Variants in LRRFIP1 observed in about 807,000 individuals in gnomAD.
LRRFIP1 encodes the protein LRR binding FLII interacting protein 1.
Under a neutral mutation model 104.4 loss-of-function variants are expected in LRRFIP1, and 62 were observed. That is an observed-to-expected ratio of 0.59 (90% CI 0.48 to 0.73). The LOEUF is 0.73. Among genes scored for constraint, LRRFIP1 ranks in the 30% least tolerant of loss-of-function variants. The pLI, the probability that LRRFIP1 is intolerant of heterozygous loss-of-function variation, is 0.00. For synonymous variants in LRRFIP1, 300 were observed against 299.0 expected (o/e 1.00, Z -0.03); for missense variants, 796 against 824.5 (o/e 0.97, Z 0.42).
At chr2:237,650,523 A>T (rs2085758022) in intron 1 of LRRFIP1, among the ~76,000 whole-genome samples, 3 of 148,650 alleles carry the variant, frequency 2.0e-5, no homozygotes, top group Non-Finnish European at 4.6e-5. Flanking sequence ...CAGGTTACGC[A>T]CTGCAGAAGC....
chr2:237,775,958 G>T (rs13423340), intron 23 of LRRFIP1, among the ~76,000 whole-genome samples: 35,372 of 151,244 alleles, frequency 0.23, 4,620 homozygotes, highest in East Asian at 0.41. Flanking sequence ...TATTTTATTT[G>T]ATTTTATTTT....
rs529994403 is a variant in LRRFIP1, at chr2:237,760,114, C to G, written c.1368C>G (p.Ser456=). 9 of 1,613,766 alleles carry G rather than the reference C, an allele frequency of 5.6e-6. No homozygotes were observed. ...NSEIATNGET[S]DTLNNVGYQG... is the part of the protein sequence containing the mutation. The stretch of plus-strand genomic sequence containing the variant: ...AAATAGCTACCAATGGAGAGACTTC[C>G]GACACCCTCAATAATGTTGGATACC... The change falls in exon 19 of 24, where the codon TCC becomes TCG. Residue 456 remains serine (S), a synonymous_variant. Coordinates refer to ENST00000308482, the MANE Select transcript of LRRFIP1 (RefSeq NM_001137550.2).
rs2094378103 is a variant in LRRFIP1 at position 237,717,391 on chromosome 2, TC to T, written c.202-369del. ...CTGCTTCTCTTCGATGGTGTTTTAT[TC>T]CTTCATCGCGTTTGCTTTGAAGGCA... On this transcript the variant is annotated intron_variant, in intron 3 of 23. Coordinates refer to ENST00000308482, the MANE Select transcript of LRRFIP1 (RefSeq NM_001137550.2). The surrounding 1 kb of genome is among the most constrained non-coding windows in gnomAD (Gnocchi z 4.2). Among the ~76,000 whole-genome samples, 1 of 152,242 alleles carries T rather than the reference TC, an allele frequency of 6.6e-6. No homozygotes were observed. The highest frequency in any genetic ancestry group is 1.5e-5 in the Non-Finnish European group (1 of 68,032).
chr2:237,762,714 G>C, intron 19 of LRRFIP1: 1 of 1,614,232 alleles, frequency 6.2e-7, no homozygotes, highest in South Asian at 1.1e-5. Context: ...GTGAAGGACT[G>C]TGTGGACATA....
intron 15 of LRRFIP1, among the ~76,000 whole-genome samples, chr2:237,755,863 G>T (rs1214892159): frequency 6.6e-6 from 1 of 152,220 alleles, no homozygotes; most frequent in Non-Finnish European, 1.5e-5. Context: ...GAACCCAGGA[G>T]GCAGAGGTTG....
At chr2:237,715,591 C>G (rs547649248) in intron 3 of LRRFIP1, among the ~76,000 whole-genome samples, 8 of 152,362 alleles carry the variant, frequency 5.3e-5, no homozygotes, top group African/African-American at 1.9e-4. Flanking sequence ...AGTGGAGGAG[C>G]AGAGGCACAG....
intron 7 of LRRFIP1, among the ~76,000 whole-genome samples, chr2:237,726,414 G>A (rs543176586): frequency 2.6e-5 from 4 of 152,044 alleles, no homozygotes; most frequent in African/African-American, 4.8e-5. Flanking sequence ...CCCGTCCCCC[G>A]GATAAGGAAC....
At chr2:237,776,127 A>G (rs1363551350) in intron 23 of LRRFIP1, among the ~76,000 whole-genome samples, 2 of 151,790 alleles carry the variant, frequency 1.3e-5, no homozygotes, top group Non-Finnish European at 2.9e-5. Context: ...TGCCTGGCTA[A>G]TTTTTGTGTT....
intron 14 of LRRFIP1, among the ~76,000 whole-genome samples, chr2:237,751,692 C>T (rs189132590): frequency 5.4e-4 from 82 of 152,326 alleles, no homozygotes; most frequent in African/African-American, 1.9e-3. Context: ...CTAATAAGGC[C>T]GTCCTCACAT....
chr2:237,707,678 T>A (rs1288581069), intron 1 of LRRFIP1, among the ~76,000 whole-genome samples: 2 of 152,200 alleles, frequency 1.3e-5, no homozygotes, highest in Non-Finnish European at 2.9e-5. Context: ...TGAATACGCA[T>A]GCAGTTTTTA....
At chr2:237,762,550 T>C in intron 19 of LRRFIP1, 1 of 1,406,208 alleles carries the variant, frequency 7.1e-7, no homozygotes, top group Admixed American at 2.0e-5. Context: ...CTAATGTAGA[T>C]TATGTGGCCG....
At chr2:237,680,717 C>T (rs936078767) in intron 1 of LRRFIP1, among the ~76,000 whole-genome samples, 5 of 152,238 alleles carry the variant, frequency 3.3e-5, no homozygotes, top group Non-Finnish European at 7.3e-5. Context: ...CGTGGTGACA[C>T]ATGCCTGTAA....
chr2:237,748,851 G>A (rs528641832), intron 12 of LRRFIP1, among the ~76,000 whole-genome samples: 1 of 152,284 alleles, frequency 6.6e-6, no homozygotes, highest in East Asian at 1.9e-4. Context: ...CCTGAGACTG[G>A]GTAATTTACA....
chr2:237,709,257 G>A lies in LRRFIP1; in HGVS notation c.183+627G>A, dbSNP rs184153131. ...TAGGAGTCATTTCTGACAGCATAAG[G>A]GTTCTTTAACTCACAGTTATGGTGT... On this transcript the variant is annotated intron_variant, in intron 2 of 23. Transcript: ENST00000308482. Among the ~76,000 whole-genome samples the A allele has an allele frequency of 3.3e-5, 5 of 152,236 alleles. No homozygotes were observed. The East Asian group carries it at 7.7e-4, about 24-fold the overall frequency.
intron 1 of LRRFIP1, among the ~76,000 whole-genome samples, chr2:237,632,272 A>G (rs1440852890): frequency 1.3e-5 from 2 of 152,258 alleles, no homozygotes; most frequent in African/African-American, 4.8e-5. Flanking sequence ...GCAGCCATCA[A>G]GTAACCATTT....
intron 1 of LRRFIP1, among the ~76,000 whole-genome samples, chr2:237,636,352 C>CTTTTTTTT (rs59582281): frequency 9.3e-4 from 116 of 124,270 alleles, no homozygotes; most frequent in Non-Finnish European, 1.3e-3. Context: ...CCTTTCTTTT[C>CTTTTTTTT]TTTTTTTTTT....
At position 237,691,206 on chromosome 2, in the gene LRRFIP1, C is replaced by G. The variant is rs765050957; in HGVS notation, c.97-17338C>G. ...CATTTCCTGGCGTGGCCAGGACAGG[C>G]TGACCTTCCGATTACAATCCGCGTC... is the stretch of plus-strand genomic sequence containing the variant. On this transcript the variant is annotated intron_variant, in intron 1 of 23. Coordinates refer to ENST00000308482, the MANE Select transcript of LRRFIP1 (RefSeq NM_001137550.2). The surrounding 1 kb of genome is among the most constrained non-coding windows in gnomAD (Gnocchi z 5.4). Among the ~76,000 whole-genome samples, 1 of 152,254 alleles carries G rather than the reference C, an allele frequency of 6.6e-6. No homozygotes were observed. Among genetic ancestry groups the G allele is most frequent in the Non-Finnish European group, 1.5e-5 (1 of 68,048 alleles).
chr2:237,696,355 C>T (rs1419144587), intron 1 of LRRFIP1, among the ~76,000 whole-genome samples: 1 of 152,200 alleles, frequency 6.6e-6, no homozygotes, highest in Non-Finnish European at 1.5e-5. Context: ...TCCCCCTCCT[C>T]TGAAGTTTCC....
At chr2:237,679,765 C>T (rs940376379) in intron 1 of LRRFIP1, among the ~76,000 whole-genome samples, 5 of 152,138 alleles carry the variant, frequency 3.3e-5, no homozygotes, top group African/African-American at 9.7e-5. Context: ...TGCACCACCA[C>T]GCCCAGCTAA....
Sources: allele counts gnomAD v4.1 joint callset (sites outside exome capture counted in the v4.1 genomes callset), GRCh38; gene constraint gnomAD v4.1.1; non-coding constraint Gnocchi (gnomAD v3.1); transcripts MANE v1.5; gene names NCBI Gene and HGNC (gene_info 2026-07-23, HGNC 2026-07-21).